UST: variants seen among roughly 807,000 people sequenced by gnomAD.
UST encodes chondroitin sulfate 2-O-sulfotransferase.
In UST, 21 loss-of-function variants were observed where a neutral mutation model predicts 45.6. The ratio of observed to expected loss-of-function variants is 0.46; its 90% confidence interval spans 0.33 to 0.66. The LOEUF (loss-of-function observed/expected upper bound fraction) is 0.66. Ranked by LOEUF, UST falls within the 30% of genes least tolerant of loss-of-function variation. The pLI is 0.02. For missense variants in UST, 463 were observed against 512.4 expected (o/e 0.90, Z 0.93); for synonymous variants, 215 against 200.6 (o/e 1.07, Z -0.61).
chr6:148,804,631 A>G lies in UST; in HGVS notation c.247+56954A>G, dbSNP rs527539751. ...GGAGAAGTCAAGCTGGAATTTTATCATTTGTTTTCCAATGAGTATTAAAAA... is the reference window on the plus strand; with the variant it reads ...GGAGAAGTCAAGCTGGAATTTTATCGTTTGTTTTCCAATGAGTATTAAAAA... On this transcript the variant is annotated intron_variant, in intron 1 of 7. Transcript: ENST00000367463. 3.3e-5 allele frequency among the ~76,000 whole-genome samples: 5 copies of G among 152,192 alleles called. No homozygotes were observed. The East Asian group carries it at 7.7e-4, about 23-fold the overall frequency.
intron 3 of UST, among the ~76,000 whole-genome samples, chr6:148,944,320 G>A (rs551759917): frequency 1.3e-5 from 2 of 152,092 alleles, no homozygotes; most frequent in African/African-American, 4.8e-5. Flanking sequence ...TTTATCCACC[G>A]TGTAGAGAAT....
intron 7 of UST, among the ~76,000 whole-genome samples, chr6:149,065,861 GC>G (rs1776723343): frequency 6.6e-6 from 1 of 152,082 alleles, no homozygotes; most frequent in African/African-American, 2.4e-5. Flanking sequence ...ATTAAATTTG[GC>G]AGCTCTGTGG....
In UST at chr6:148,818,573, G is replaced by A. The variant is rs971833515; in HGVS notation, c.248-68413G>A. Among the ~76,000 whole-genome samples the A allele has an allele frequency of 7.2e-5, 11 of 152,174 alleles. No individual in the cohort carries two copies. In the East Asian group the frequency reaches 1.3e-3, roughly 19 times the overall value. Reference sequence around the variant, plus strand: ...TGGCCAACAAATTGCAGGTTCAGACGTAAATGTTTCAAACCTGGGTGGCTG... The same window carrying A: ...TGGCCAACAAATTGCAGGTTCAGACATAAATGTTTCAAACCTGGGTGGCTG... On this transcript the variant is annotated intron_variant, in intron 1 of 7. Transcript: ENST00000367463.
intron 1 of UST, among the ~76,000 whole-genome samples, chr6:148,782,638 A>T (rs1350726072): frequency 6.6e-6 from 1 of 151,670 alleles, no homozygotes; most frequent in African/African-American, 2.4e-5. Flanking sequence ...TTTAGTAGAG[A>T]CAGGGTTTCA....
intron 1 of UST, among the ~76,000 whole-genome samples, chr6:148,881,105 G>A (rs1332487788): frequency 2.6e-5 from 4 of 152,018 alleles, no homozygotes; most frequent in Non-Finnish European, 5.9e-5. Context: ...TATAGAGTAT[G>A]TAACCACCAC....
chr6:148,793,309 G>A (rs1776886630), intron 1 of UST, among the ~76,000 whole-genome samples: 1 of 151,988 alleles, frequency 6.6e-6, no homozygotes. Context: ...TAAGGGTGAT[G>A]TTTGTGAAAC....
chr6:148,910,451 C>T (rs1249251994), intron 2 of UST, among the ~76,000 whole-genome samples: 2 of 152,108 alleles, frequency 1.3e-5, no homozygotes, highest in African/African-American at 2.4e-5. Flanking sequence ...CACTTCTACT[C>T]AGCTTTCTTT....
intron 5 of UST, among the ~76,000 whole-genome samples, chr6:149,007,665 C>A (rs1431462496): frequency 6.6e-6 from 1 of 151,656 alleles, no homozygotes; most frequent in Non-Finnish European, 1.5e-5. Flanking sequence ...CTCAGGTGAT[C>A]CACCTGCCTC....
intron 1 of UST, among the ~76,000 whole-genome samples, chr6:148,881,694 C>T (rs1322392002): frequency 1.3e-5 from 2 of 152,154 alleles, no homozygotes; most frequent in Non-Finnish European, 2.9e-5. Flanking sequence ...GGCTGCCCTT[C>T]CATCCCCACA....
rs1024761000 is a variant in UST at position 149,062,171 on chromosome 6, A to G, written c.938-11662A>G. Among the ~76,000 whole-genome samples the G allele has an allele frequency of 7.2e-5, 11 of 152,240 alleles. No homozygotes were observed. In the South Asian group the frequency reaches 8.3e-4, roughly 11 times the overall value. ...TTTGCAAGCGTTCTGTCACCATAAC[A>G]TAATGTTCTTCAACAGAGTGGCTAA... On this transcript the variant is annotated intron_variant, in intron 7 of 7. Coordinates refer to ENST00000367463, the MANE Select transcript of UST (RefSeq NM_005715.3).
At chr6:148,939,332 G>T (rs1052856165) in intron 2 of UST, among the ~76,000 whole-genome samples, 1 of 152,138 alleles carries the variant, frequency 6.6e-6, no homozygotes, top group Non-Finnish European at 1.5e-5. Context: ...TTTTTGGGCA[G>T]ATATTAGCAA....
At position 148,930,710 on chromosome 6, in the gene UST, G is replaced by A. The variant is rs531107386; in HGVS notation, c.292-10569G>A. Among the ~76,000 whole-genome samples, 16 of 152,278 alleles carry A rather than the reference G, an allele frequency of 1.1e-4. No homozygotes were observed. The South Asian group carries it at 3.3e-3, about 32-fold the overall frequency. On this transcript the variant is annotated intron_variant, in intron 2 of 7. Coordinates refer to ENST00000367463, the MANE Select transcript of UST (RefSeq NM_005715.3). ...TGTGGCCAGTCTAGAGGGCCGTGTGGAAGGAAGTTACACGGTGCAGGGATA... is the reference window on the plus strand; with the variant it reads ...TGTGGCCAGTCTAGAGGGCCGTGTGAAAGGAAGTTACACGGTGCAGGGATA...
chr6:149,074,266 GT>G lies in UST; in HGVS notation c.*154del. On this transcript the variant is annotated 3_prime_UTR_variant, in exon 8 of 8. Coordinates refer to ENST00000367463, the MANE Select transcript of UST (RefSeq NM_005715.3). ...TGTTGGGGTCATTGGGAGATGCCCG[GT>G]TTTGCGGGTTTTATTTGTTTAATTT... 2.4e-6 allele frequency: 2 copies of G among 817,860 alleles called. No homozygotes were observed. Among genetic ancestry groups the G allele is most frequent in the Non-Finnish European group, 3.7e-6 (2 of 533,888 alleles). The allele number at this position is 817,860 out of a possible 1,614,324, so 50.7% of individuals were successfully genotyped here. A position where few individuals can be genotyped will look rare whatever the true frequency, so the allele number is the denominator to read the frequency against.
intron 2 of UST, among the ~76,000 whole-genome samples, chr6:148,922,405 G>A (rs1330701646): frequency 6.6e-6 from 1 of 152,004 alleles, no homozygotes; most frequent in East Asian, 1.9e-4. Flanking sequence ...TAATGTTTTC[G>A]AGGTCTGTCC....
At chr6:148,900,965 CCTT>C (rs1005295418) in intron 2 of UST, among the ~76,000 whole-genome samples, 3 of 152,210 alleles carry the variant, frequency 2.0e-5, no homozygotes, top group Admixed American at 2.0e-4. Flanking sequence ...CTCAGACTCT[CCTT>C]CTCCTCTCTC....
intron 7 of UST, among the ~76,000 whole-genome samples, chr6:149,067,522 G>C (rs1776749073): frequency 6.6e-6 from 1 of 152,124 alleles, no homozygotes; most frequent in South Asian, 2.1e-4. Context: ...TTAAAAGTCT[G>C]TCCTCTCTGT....
intron 1 of UST, among the ~76,000 whole-genome samples, chr6:148,770,438 A>G (rs1306650810): frequency 2.0e-5 from 3 of 151,578 alleles, no homozygotes; most frequent in Admixed American, 2.0e-4. Flanking sequence ...GCCAGAAACC[A>G]TGGTAGGGGA....
At chr6:149,073,021 A>T (rs1251906512) in intron 7 of UST, among the ~76,000 whole-genome samples, 8 of 152,258 alleles carry the variant, frequency 5.3e-5, no homozygotes, top group Admixed American at 5.2e-4. Flanking sequence ...TACACTCTAT[A>T]TATAACATTT....
intron 2 of UST, among the ~76,000 whole-genome samples, chr6:148,915,517 C>T (rs1779571729): frequency 7.0e-6 from 1 of 143,358 alleles, no homozygotes; most frequent in South Asian, 2.3e-4. Context: ...TTCAAAATGG[C>T]AATTCATACC....
Sources: gnomAD v4.1 joint callset for allele counts (sites outside exome capture counted in the v4.1 genomes callset) on GRCh38, gnomAD v4.1.1 for gene constraint, MANE v1.5 for transcripts, NCBI Gene and HGNC (gene_info 2026-07-23, HGNC 2026-07-21) for gene names.